The following OSBPL5 variants were observed in gnomAD, a reference collection of about 807,000 sequenced individuals.
OSBPL5 encodes the protein oxysterol-binding protein-related protein 5.
OSBPL5 carries 71 observed loss-of-function variants against 111.2 expected under a neutral mutation model. That is an observed-to-expected ratio of 0.64 (90% confidence interval 0.53 to 0.78). The LOEUF (loss-of-function observed/expected upper bound fraction) is 0.78, where lower values mean the gene tolerates loss of function less well. OSBPL5 is among the 30% of genes least tolerant of loss of function. The pLI is 0.00. For missense variants in OSBPL5, 1,210 were observed against 1,189.3 expected, an observed-to-expected ratio of 1.02 and a Z score of -0.26; for synonymous variants, 549 against 513.9, an observed-to-expected ratio of 1.07 and a Z score of -0.93.
rs781613585 is a variant in OSBPL5, at chr11:3,109,496, G to T, written c.692-1551C>A. Among the ~76,000 whole-genome samples the T allele has an allele frequency of 6.6e-6, 1 of 152,210 alleles. No homozygotes were observed. Among genetic ancestry groups the T allele is most frequent in the Admixed American group, 6.5e-5 (1 of 15,286 alleles). On this transcript the variant is annotated intron_variant, in intron 7 of 21. Coordinates refer to ENST00000263650, the MANE Select transcript of OSBPL5 (RefSeq NM_020896.4). The surrounding 1 kb of genome is among the most constrained non-coding windows in gnomAD (Gnocchi z 7.4). ...GCCTCTGCCTTTTCGAGCTCCTGGA[G>T]ACAGTGAGTTTTTCTCCCTCACTTT...
intron 14 of OSBPL5, among the ~76,000 whole-genome samples, chr11:3,095,272 C>T (rs1857214280): frequency 6.8e-6 from 1 of 147,558 alleles, no homozygotes; most frequent in South Asian, 2.1e-4. Context: ...GATCACACCA[C>T]TGCACTCTAG....
intron 1 of OSBPL5, among the ~76,000 whole-genome samples, chr11:3,163,658 GGT>G (rs576126318): frequency 1.3e-3 from 205 of 152,324 alleles, no homozygotes; most frequent in African/African-American, 4.7e-3. Context: ...GGCTGCCCGG[GGT>G]TCGACATCTG....
At chr11:3,138,369 C>T (rs1366020016) in intron 1 of OSBPL5, among the ~76,000 whole-genome samples, 1 of 152,240 alleles carries the variant, frequency 6.6e-6, no homozygotes, top group African/African-American at 2.4e-5. Flanking sequence ...CCTGTCCCAA[C>T]TGAAAGGAGA....
chr11:3,112,241 G>C (rs561727143), intron 7 of OSBPL5, among the ~76,000 whole-genome samples: 2 of 152,170 alleles, frequency 1.3e-5, no homozygotes, highest in African/African-American at 2.4e-5. Context: ...ACTGAATTCT[G>C]TTTCTTGATT....
At chr11:3,131,315 C>A (rs1348994584) in intron 1 of OSBPL5, among the ~76,000 whole-genome samples, 1 of 152,148 alleles carries the variant, frequency 6.6e-6, no homozygotes, top group Non-Finnish European at 1.5e-5. Flanking sequence ...TGTATCCCTC[C>A]ATCTATACAT....
chr11:3,093,817 T>C lies in OSBPL5; in HGVS notation c.1738A>G (p.Thr580Ala). 1 of 1,612,520 alleles carries C rather than the reference T, an allele frequency of 6.2e-7. No homozygotes were observed. The highest frequency in any genetic ancestry group is 1.1e-5 in the South Asian group (1 of 91,052). Reference protein sequence around the residue: ...FKLKPFFGGSTSINQISGKIT... With the variant: ...FKLKPFFGGSASINQISGKIT... ...TTTCCCGAGATCTGGTTGATGCTGG[T>C]GCTACCCCCGAAGAAGGGCTGCGGG... is the stretch of plus-strand genomic sequence containing the variant. Residue 580 changes from threonine (T) to alanine (A), a missense_variant, in exon 16 of 22, where the codon ACC becomes GCC. Thr to Ala is a moderately conservative substitution (Grantham distance 58, BLOSUM62 0). Transcript: ENST00000263650.
chr11:3,090,187 C>T (rs1278216228), intron 20 of OSBPL5, among the ~76,000 whole-genome samples: 1 of 152,202 alleles, frequency 6.6e-6, no homozygotes, highest in East Asian at 1.9e-4. Context: ...GCAGAAGTGG[C>T]CAAGGCAAGG....
chr11:3,132,591 C>G (rs1032434965), intron 1 of OSBPL5, among the ~76,000 whole-genome samples: 3 of 152,104 alleles, frequency 2.0e-5, no homozygotes, highest in African/African-American at 7.2e-5. Context: ...GTCGCCCACT[C>G]TGCTCCAGCC....
chr11:3,103,755 A>T (rs1238053419), intron 10 of OSBPL5, among the ~76,000 whole-genome samples: 3,256 of 36,364 alleles, frequency 0.09, 135 homozygotes, highest in African/African-American at 0.17. Flanking sequence ...ACCCTCTTCC[A>T]GCTCTGCAGC....
chr11:3,117,548 AG>A (rs1453244340), intron 7 of OSBPL5, among the ~76,000 whole-genome samples: 1 of 152,216 alleles, frequency 6.6e-6, no homozygotes, highest in Non-Finnish European at 1.5e-5. Context: ...AAAGCAAACC[AG>A]TCCTACCATA....
rs185899441 is a variant in OSBPL5 at position 3,157,043 on chromosome 11, A to C, written c.-22+8173T>G. Among the ~76,000 whole-genome samples, 443 of 152,380 alleles carry C rather than the reference A, an allele frequency of 2.9e-3. 1 individual carries two copies. The highest frequency in any genetic ancestry group is 4.9e-3 in the Non-Finnish European group (334 of 68,032). On this transcript the variant is annotated intron_variant, in intron 1 of 21. Transcript: ENST00000263650. ...GGGCCCCCAAGGGCAGCAAGCTCCC[A>C]GTTCGCACAGGTCAGAACGTGAAGG...
Position 3,154,323 on chromosome 11 carries a change from G to A in OSBPL5, c.-22+10893C>T, listed in dbSNP as rs1031338263. Among the ~76,000 whole-genome samples the A allele has an allele frequency of 1.3e-5, 2 of 152,226 alleles. No homozygotes were observed. Among genetic ancestry groups the A allele is most frequent in the African/African-American group, 4.8e-5 (2 of 41,462 alleles). On this transcript the variant is annotated intron_variant, in intron 1 of 21. Coordinates refer to ENST00000263650, the MANE Select transcript of OSBPL5 (RefSeq NM_020896.4). The surrounding 1 kb of genome is among the most constrained non-coding windows in gnomAD (Gnocchi z 4.9). ...AGGGCTTGCTGACCCCAAACATGCCGAGTCACCCACATCCTGGCCTCCCCG... is the reference window on the plus strand; with the variant it reads ...AGGGCTTGCTGACCCCAAACATGCCAAGTCACCCACATCCTGGCCTCCCCG...
At chr11:3,131,474 G>GTCCA (rs1325350040) in intron 1 of OSBPL5, among the ~76,000 whole-genome samples, 1 of 100,542 alleles carries the variant, frequency 9.9e-6, no homozygotes, top group Non-Finnish European at 2.0e-5. Flanking sequence ...CCACCCATTC[G>GTCCA]TCCATCCATC....
Position 3,088,006 on chromosome 11 carries a change from G to C in OSBPL5, c.*199C>G. Reference sequence around the variant, plus strand: ...CCAGCGCTGGGCGGAAGGCCCTGCAGAGAGGCCAGTGCCCCTGAGAGGGGC... The same window carrying C: ...CCAGCGCTGGGCGGAAGGCCCTGCACAGAGGCCAGTGCCCCTGAGAGGGGC... On this transcript the variant is annotated 3_prime_UTR_variant, in exon 22 of 22. Coordinates refer to ENST00000263650, the MANE Select transcript of OSBPL5 (RefSeq NM_020896.4). 1 of 474,858 alleles carries C rather than the reference G, an allele frequency of 2.1e-6. No homozygotes were observed. Among genetic ancestry groups the C allele is most frequent in the Non-Finnish European group, 3.6e-6 (1 of 274,544 alleles). The allele number at this position is 474,858 out of a possible 1,614,324, so 29.4% of individuals were successfully genotyped here.
rs1488886565 is a variant in OSBPL5, at chr11:3,140,672, C to A, written c.-21-11503G>T. Among the ~76,000 whole-genome samples, 1 of 152,194 alleles carries A rather than the reference C, an allele frequency of 6.6e-6. No individual in the cohort carries two copies. The highest frequency in any genetic ancestry group is 1.5e-5 in the Non-Finnish European group (1 of 68,028). On this transcript the variant is annotated intron_variant, in intron 1 of 21. Coordinates refer to ENST00000263650, the MANE Select transcript of OSBPL5 (RefSeq NM_020896.4). This position sits in a 1 kb window ranked among gnomAD's most constrained non-coding sequence, Gnocchi z 4.5. ...CCCTCTGTCCCCCAGCTCACATTAC[C>A]CAGGACTGGCTGTAGGAGCCTTGTT...
Position 3,154,667 on chromosome 11 carries a change from C to G in OSBPL5, c.-22+10549G>C, listed in dbSNP as rs1473103565. Among the ~76,000 whole-genome samples the G allele has an allele frequency of 2.0e-5, 3 of 152,236 alleles. No individual in the cohort carries two copies. In the East Asian group the frequency reaches 5.8e-4, roughly 29 times the overall value. ...CGAGACGCCTGGCAGTGCGGGGGCC[C>G]CAGGGTTAGTCTGACTGCTCCACTA... On this transcript the variant is annotated intron_variant, in intron 1 of 21. Transcript: ENST00000263650. The surrounding 1 kb of genome is among the most constrained non-coding windows in gnomAD (Gnocchi z 4.9).
intron 7 of OSBPL5, among the ~76,000 whole-genome samples, chr11:3,118,570 ATT>A (rs143316664): frequency 0.015 from 1,838 of 124,082 alleles, 26 homozygotes; most frequent in African/African-American, 0.046. Flanking sequence ...AAAATAAACT[ATT>A]TTTTTTTTTT....
chr11:3,111,195 G>A (rs1857913580), intron 7 of OSBPL5, among the ~76,000 whole-genome samples: 1 of 149,762 alleles, frequency 6.7e-6, no homozygotes, highest in Admixed American at 6.7e-5. Context: ...TCAAAATTTG[G>A]TCGAGATCTA....
chr11:3,149,352 C>G (rs1262906732), intron 1 of OSBPL5, among the ~76,000 whole-genome samples: 5 of 152,230 alleles, frequency 3.3e-5, no homozygotes, highest in Admixed American at 3.3e-4. Context: ...CACCCCTACC[C>G]TATCTGGTGG....
Sources: gnomAD v4.1 joint callset for allele counts (sites outside exome capture counted in the v4.1 genomes callset) on GRCh38, gnomAD v4.1.1 for gene constraint, Gnocchi (gnomAD v3.1) non-coding constraint, MANE v1.5 for transcripts, NCBI Gene and HGNC (gene_info 2026-07-23, HGNC 2026-07-21) for gene names.